The following GSK3B variants were observed in gnomAD, a reference collection of about 807,000 sequenced individuals.
GSK3B encodes glycogen synthase kinase-3 beta.
Under a neutral mutation model 56.4 loss-of-function variants are expected in GSK3B, and 15 were observed. The ratio of observed to expected loss-of-function variants is 0.27; its 90% CI spans 0.18 to 0.41. The LOEUF (loss-of-function observed/expected upper bound fraction) is 0.41. GSK3B is among the 10% of genes least tolerant of loss of function. The probability of loss-of-function intolerance (pLI) is 1.00; values close to 1 mark genes in which losing one functional copy is unlikely to be tolerated. For synonymous variants in GSK3B, 181 were observed against 188.9 expected (o/e 0.96, Z 0.34); for missense variants, 300 against 513.4 (o/e 0.58, Z 4.02).
intron 1 of GSK3B, among the ~76,000 whole-genome samples, chr3:120,082,597 T>C (rs1229421674): frequency 4.6e-5 from 7 of 151,898 alleles, no homozygotes; most frequent in African/African-American, 2.4e-5. Context: ...GGTTTCACCA[T>C]CTTGGCCAGG....
Position 120,094,248 on chromosome 3 carries a change from T to A in GSK3B, c.-814A>T, listed in dbSNP as rs1035188964. On this transcript the variant is annotated 5_prime_UTR_variant, in exon 1 of 11. Transcript: ENST00000264235. Reference sequence around the variant, plus strand: ...CCCCTCCCCCGTCCGCGGCAACAGCTCGGCCGCCCTCCCGCCCCTCGGCTC... The same window carrying A: ...CCCCTCCCCCGTCCGCGGCAACAGCACGGCCGCCCTCCCGCCCCTCGGCTC... The A allele has an allele frequency of 4.5e-6, 1 of 222,968 alleles. No individual in the cohort carries two copies. The highest frequency in any genetic ancestry group is 2.3e-5 in the African/African-American group (1 of 44,262). 13.8% of individuals were successfully genotyped at this position (222,968 alleles called of 1,614,324 possible).
intron 7 of GSK3B, among the ~76,000 whole-genome samples, chr3:119,899,165 T>C (rs939028774): frequency 2.0e-5 from 3 of 152,066 alleles, no homozygotes; most frequent in African/African-American, 7.2e-5. Flanking sequence ...ACAGCATGGA[T>C]ATACTGGACA....
At chr3:119,833,649 T>A (rs927587255) in intron 10 of GSK3B, among the ~76,000 whole-genome samples, 30 of 151,898 alleles carry the variant, frequency 2.0e-4, no homozygotes, top group Non-Finnish European at 3.7e-4. Context: ...CCTTTTTGTG[T>A]TTTACATGCA....
intron 1 of GSK3B, among the ~76,000 whole-genome samples, chr3:120,063,665 T>C (rs952010928): frequency 6.7e-5 from 10 of 149,688 alleles, no homozygotes; most frequent in African/African-American, 2.2e-4. Flanking sequence ...GAGGCAGAGG[T>C]TGCAGTGAGC....
chr3:119,900,747 C>T (rs2056616362), intron 7 of GSK3B, among the ~76,000 whole-genome samples: 1 of 152,016 alleles, frequency 6.6e-6, no homozygotes, highest in Non-Finnish European at 1.5e-5. Flanking sequence ...ATTCAAAATA[C>T]AATCATGCAG....
At chr3:119,923,687 G>A (rs2056865161) in intron 3 of GSK3B, among the ~76,000 whole-genome samples, 1 of 151,870 alleles carries the variant, frequency 6.6e-6, no homozygotes, top group South Asian at 2.1e-4. Flanking sequence ...ATAATTCAAT[G>A]GGGAAAAAAT....
At chr3:120,013,568 G>A (rs999328898) in intron 1 of GSK3B, among the ~76,000 whole-genome samples, 7 of 152,222 alleles carry the variant, frequency 4.6e-5, no homozygotes, top group African/African-American at 1.7e-4. Flanking sequence ...AAGTCTCCAC[G>A]TAGAAATAAC....
chr3:119,863,300 AC>A, intron 9 of GSK3B, 118 bp downstream of exon 9: 1 of 774,982 alleles, frequency 1.3e-6, no homozygotes, highest in East Asian at 2.5e-5. Flanking sequence ...CTTTTCACCT[AC>A]CTAAGTACTT....
chr3:119,850,309 C>A (rs1029188677), intron 9 of GSK3B, among the ~76,000 whole-genome samples: 7 of 152,104 alleles, frequency 4.6e-5, no homozygotes, highest in African/African-American at 1.7e-4. Context: ...CTAAAATGAA[C>A]AATCACTACT....
At chr3:119,919,245 C>A (rs1038731117) in intron 4 of GSK3B, among the ~76,000 whole-genome samples, 2 of 152,128 alleles carry the variant, frequency 1.3e-5, no homozygotes, top group Non-Finnish European at 2.9e-5. Context: ...ATTCTGGTAA[C>A]ATGTATGCCA....
At chr3:119,981,469 GA>G (rs959612094) in intron 2 of GSK3B, among the ~76,000 whole-genome samples, 2 of 152,214 alleles carry the variant, frequency 1.3e-5, no homozygotes, top group African/African-American at 4.8e-5. Flanking sequence ...AGACTACCTG[GA>G]AAAATGGGAA....
At chr3:120,059,355 AGTCG>A (rs771450710) in intron 1 of GSK3B, among the ~76,000 whole-genome samples, 6 of 152,190 alleles carry the variant, frequency 3.9e-5, no homozygotes, top group Non-Finnish European at 5.9e-5. Context: ...CCTAGCATAT[AGTCG>A]GTCTCAAGTG....
rs920873758 is a variant in GSK3B, at chr3:119,989,257, A to G, written c.282+12789T>C. 2.0e-5 allele frequency among the ~76,000 whole-genome samples: 3 copies of G among 152,120 alleles called. No homozygotes were observed. The East Asian group carries it at 5.8e-4, about 29-fold the overall frequency. On this transcript the variant is annotated intron_variant, in intron 2 of 10. Transcript: ENST00000264235. Reference sequence around the variant, plus strand: ...AAAATGGTACCTGTTACAGGAATCAACTCCTAAATACATCACACTCAAGTC... The same window carrying G: ...AAAATGGTACCTGTTACAGGAATCAGCTCCTAAATACATCACACTCAAGTC...
In GSK3B at chr3:119,923,556, T is replaced by C. The variant is rs41271401; in HGVS notation, c.367-73A>G. On this transcript the variant is annotated intron_variant, in intron 3 of 10. Coordinates refer to ENST00000264235, the MANE Select transcript of GSK3B (RefSeq NM_001146156.2). Reference sequence around the variant, plus strand: ...TGGTCTTTAAATATTCAAATTAGAGTAAATTCTCTAGATATTTACTTATTC... The same window carrying C: ...TGGTCTTTAAATATTCAAATTAGAGCAAATTCTCTAGATATTTACTTATTC... The C allele has an allele frequency of 3.4e-3, 2,116 of 623,508 alleles. 8 individuals carry two copies. The highest frequency in any genetic ancestry group is 5.3e-3 in the Non-Finnish European group (1,937 of 366,576). The allele number at this position is 623,508 out of a possible 1,614,324, so 38.6% of individuals were successfully genotyped here.
At chr3:119,960,499 T>G (rs2057261137) in intron 2 of GSK3B, among the ~76,000 whole-genome samples, 1 of 152,196 alleles carries the variant, frequency 6.6e-6, no homozygotes, top group Non-Finnish European at 1.5e-5. Context: ...ATCAGTGGAT[T>G]CTATCAATGC....
intron 2 of GSK3B, among the ~76,000 whole-genome samples, chr3:119,990,295 CACAT>C (rs1576252916): frequency 6.6e-6 from 1 of 152,080 alleles, no homozygotes; most frequent in East Asian, 1.9e-4. Flanking sequence ...CTTCTCCACA[CACAT>C]AAACATTCCA....
intron 2 of GSK3B, among the ~76,000 whole-genome samples, chr3:119,958,375 C>T (rs894989491): frequency 5.6e-5 from 4 of 71,896 alleles, no homozygotes; most frequent in African/African-American, 1.9e-4. Flanking sequence ...CTAGAGTTAT[C>T]GAAAAAGGGG....
chr3:119,953,349 C>T (rs1425559918), intron 2 of GSK3B, among the ~76,000 whole-genome samples: 1 of 152,124 alleles, frequency 6.6e-6, no homozygotes, highest in African/African-American at 2.4e-5. Flanking sequence ...AGCTACATCA[C>T]ACACTACATA....
intron 1 of GSK3B, among the ~76,000 whole-genome samples, chr3:120,063,518 G>A (rs1211069650): frequency 5.9e-5 from 9 of 152,078 alleles, no homozygotes; most frequent in Admixed American, 5.9e-4. Flanking sequence ...CCTGAGGTCA[G>A]GAGGTAGAGA....
Sources: allele counts gnomAD v4.1 joint callset (sites outside exome capture counted in the v4.1 genomes callset), GRCh38; gene constraint gnomAD v4.1.1; transcripts MANE v1.5; gene names NCBI Gene and HGNC (gene_info 2026-07-23, HGNC 2026-07-21).